Variants in AFF3 observed in about 807,000 individuals in gnomAD.
The protein encoded by AFF3 is AF4/FMR2 family member 3.
AFF3 carries 32 observed loss-of-function variants against 129.7 expected under a neutral mutation model. The ratio of observed to expected loss-of-function variants is 0.25; its 90% CI spans 0.19 to 0.33. The LOEUF is 0.33. AFF3 is among the 10% of genes least tolerant of loss of function. AFF3 has a pLI of 1.00. For synonymous variants in AFF3, 644 were observed against 635.4 expected (o/e 1.01, Z -0.20); for missense variants, 1,373 against 1,592.0 (o/e 0.86, Z 2.34).
intron 4 of AFF3, among the ~76,000 whole-genome samples, chr2:100,077,869 G>GA (rs1355259488): frequency 6.6e-6 from 1 of 151,500 alleles, no homozygotes; most frequent in Non-Finnish European, 1.5e-5. Context: ...AAGAGGGAAA[G>GA]AAAAAAAAGA....
chr2:100,004,438 T>C (rs1207168749), intron 7 of AFF3, among the ~76,000 whole-genome samples: 2 of 152,128 alleles, frequency 1.3e-5, no homozygotes, highest in African/African-American at 2.4e-5. Flanking sequence ...TATGTTATGA[T>C]TGTGAATTTT....
At chr2:99,905,593 C>A (rs554847771) in intron 7 of AFF3, among the ~76,000 whole-genome samples, 9 of 152,320 alleles carry the variant, frequency 5.9e-5, no homozygotes, top group South Asian at 2.1e-4. Flanking sequence ...TAGCTTCCTG[C>A]ATTTCTGCGT....
chr2:99,614,191 GA>G (rs1052293976), intron 13 of AFF3, among the ~76,000 whole-genome samples: 1 of 152,132 alleles, frequency 6.6e-6, no homozygotes, highest in African/African-American at 2.4e-5. Flanking sequence ...GCACCACTGT[GA>G]TATCCCAAAG....
At chr2:99,789,917 C>A (rs1685079722) in intron 8 of AFF3, among the ~76,000 whole-genome samples, 1 of 152,202 alleles carries the variant, frequency 6.6e-6, no homozygotes, top group African/African-American at 2.4e-5. Context: ...CTAATTTCAA[C>A]AATGAAAGGA....
chr2:99,974,333 C>T (rs1277044472), intron 7 of AFF3, among the ~76,000 whole-genome samples: 3 of 152,134 alleles, frequency 2.0e-5, no homozygotes, highest in Non-Finnish European at 4.4e-5. Flanking sequence ...TGGTGACTTC[C>T]TACAATGGAT....
At chr2:99,835,277 A>G (rs908915237) in intron 8 of AFF3, among the ~76,000 whole-genome samples, 2 of 152,090 alleles carry the variant, frequency 1.3e-5, no homozygotes, top group Non-Finnish European at 2.9e-5. Flanking sequence ...AGGATCTACG[A>G]CCTAGCTCTG....
intron 7 of AFF3, among the ~76,000 whole-genome samples, chr2:99,983,865 A>T (rs1223629133): frequency 6.6e-6 from 1 of 152,202 alleles, no homozygotes; most frequent in Non-Finnish European, 1.5e-5. Context: ...AGAGCAGAAA[A>T]ATTAATGTAA....
intron 12 of AFF3, among the ~76,000 whole-genome samples, chr2:99,652,752 C>A (rs1418202596): frequency 6.6e-6 from 1 of 152,150 alleles, no homozygotes; most frequent in Admixed American, 6.5e-5. Flanking sequence ...AAGAGACAGT[C>A]AGTCCGTGTC....
intron 7 of AFF3, among the ~76,000 whole-genome samples, chr2:99,975,247 T>C (rs1431696852): frequency 6.6e-6 from 1 of 152,224 alleles, no homozygotes; most frequent in Non-Finnish European, 1.5e-5. Context: ...ACCCAATGAA[T>C]CACTGACCTC....
chr2:99,833,393 C>T (rs1688645851), intron 8 of AFF3, among the ~76,000 whole-genome samples: 1 of 152,138 alleles, frequency 6.6e-6, no homozygotes, highest in Non-Finnish European at 1.5e-5. Context: ...GAAAATGCAA[C>T]TCTATGTAAA....
At chr2:100,116,269 C>T (rs971428363) in intron 2 of AFF3, among the ~76,000 whole-genome samples, 1 of 151,278 alleles carries the variant, frequency 6.6e-6, no homozygotes, top group Non-Finnish European at 1.5e-5. Flanking sequence ...ACATATAGCT[C>T]TATGTTTGCT....
chr2:99,594,045 G>A lies in AFF3; in HGVS notation c.1616C>T (p.Ala539Val). The A allele has an allele frequency of 6.2e-7, 1 of 1,610,908 alleles. No individual in the cohort carries two copies. Among genetic ancestry groups the A allele is most frequent in the South Asian group, 1.1e-5 (1 of 90,834 alleles). Residue 539 changes from alanine (A) to valine (V), a missense_variant, in exon 15 of 25, where the codon GCC (alanine) becomes GTC (valine). Ala to Val is a moderately conservative substitution (Grantham distance 64). Around this residue, in one of 9 missense-constraint regions of AFF3, gnomAD observed 413 missense variants for 424.4 expected, o/e 0.97. Coordinates refer to ENST00000672756, the MANE Select transcript of AFF3 (RefSeq NM_001386135.1). ...CTGCTTCACGCCTTTACTCCCAGGG[G>A]CCTTGTTGGCTGTCCTTGGCCTTTG... is the stretch of plus-strand genomic sequence containing the variant. Reference protein sequence around the residue: ...EEQRPRTANKAPGSKGVKQKS... With the variant: ...EEQRPRTANKVPGSKGVKQKS...
chr2:99,966,811 T>C (rs1677828037), intron 7 of AFF3, among the ~76,000 whole-genome samples: 2 of 150,400 alleles, frequency 1.3e-5, no homozygotes, highest in African/African-American at 4.9e-5. Flanking sequence ...TTTATCATAA[T>C]ATTTATGAGG....
chr2:100,117,781 T>G (rs1691789761), intron 2 of AFF3, among the ~76,000 whole-genome samples: 1 of 152,248 alleles, frequency 6.6e-6, no homozygotes, highest in Non-Finnish European at 1.5e-5. Context: ...TGCCAAGTAC[T>G]TGGGGGCATT....
chr2:100,032,373 G>A (rs1684568673), intron 4 of AFF3, among the ~76,000 whole-genome samples: 2 of 151,836 alleles, frequency 1.3e-5, no homozygotes, highest in Admixed American at 6.6e-5. Flanking sequence ...AGGCTGCAGT[G>A]AGCCGAGACT....
chr2:100,023,454 A>G (rs1041446450), intron 4 of AFF3, among the ~76,000 whole-genome samples: 48 of 152,338 alleles, frequency 3.2e-4, no homozygotes, highest in African/African-American at 1.1e-3. Flanking sequence ...TCTGGGAAAC[A>G]TACTAGAAAA....
At chr2:99,989,376 T>G (rs116462530) in intron 7 of AFF3, among the ~76,000 whole-genome samples, 2 of 152,270 alleles carry the variant, frequency 1.3e-5, no homozygotes, top group East Asian at 3.9e-4. Context: ...TTTCAACATA[T>G]AAAATACAAA....
chr2:100,051,044 C>T (rs921742075), intron 4 of AFF3, among the ~76,000 whole-genome samples: 1 of 152,176 alleles, frequency 6.6e-6, no homozygotes, highest in South Asian at 2.1e-4. Flanking sequence ...TTCCAGCAAC[C>T]TATGTCGTTT....
At chr2:99,863,987 G>A (rs1691189246) in intron 7 of AFF3, among the ~76,000 whole-genome samples, 1 of 152,208 alleles carries the variant, frequency 6.6e-6, no homozygotes, top group Admixed American at 6.5e-5. Flanking sequence ...TCTACTTGGT[G>A]CCTCCATTCC....
Sources: gnomAD v4.1 joint callset for allele counts (sites outside exome capture counted in the v4.1 genomes callset) on GRCh38, gnomAD v4.1.1 for gene constraint, gnomAD v4.1.1 regional missense constraint, MANE v1.5 for transcripts, NCBI Gene and HGNC (gene_info 2026-07-23, HGNC 2026-07-21) for gene names.